ARHGEF4: variants seen among roughly 807,000 people sequenced by gnomAD.
ARHGEF4 encodes Rho guanine nucleotide exchange factor 4, also known as APC-stimulated guanine nucleotide exchange factor 1.
ARHGEF4 carries 119 observed loss-of-function variants against 162.0 expected under a neutral mutation model. The observed-to-expected ratio is 0.73, with a 90% confidence interval of 0.63 to 0.86. ARHGEF4 has a LOEUF of 0.86. Among genes scored for constraint, ARHGEF4 ranks in the 40% least tolerant of loss-of-function variants. The pLI is 0.00. For synonymous variants in ARHGEF4, 1,014 were observed against 979.9 expected, an observed-to-expected ratio of 1.03 and a Z score of -0.65; for missense variants, 2,488 against 2,456.0, an observed-to-expected ratio of 1.01 and a Z score of -0.28.
intron 1 of ARHGEF4, among the ~76,000 whole-genome samples, chr2:130,884,560 A>G (rs550971371): frequency 6.6e-6 from 1 of 152,248 alleles, no homozygotes; most frequent in East Asian, 1.9e-4. Context: ...CACCTGATAT[A>G]TGGTGGCTGG....
At chr2:130,889,127 G>T (rs1314229977) in intron 1 of ARHGEF4, among the ~76,000 whole-genome samples, 1 of 150,836 alleles carries the variant, frequency 6.6e-6, no homozygotes, top group Non-Finnish European at 1.5e-5. Flanking sequence ...AAGAAAGAAA[G>T]AAATTATACG....
At chr2:130,845,643 C>T (rs1672267458) in intron 1 of ARHGEF4, among the ~76,000 whole-genome samples, 1 of 152,152 alleles carries the variant, frequency 6.6e-6, no homozygotes, top group South Asian at 2.1e-4. Context: ...AGAACATCCT[C>T]CTCAGAGCAT....
At chr2:131,012,801 G>A (rs556780253) in intron 4 of ARHGEF4, among the ~76,000 whole-genome samples, 24 of 152,276 alleles carry the variant, frequency 1.6e-4, no homozygotes, top group African/African-American at 5.3e-4. Context: ...GGCTGGTCTT[G>A]AACTCCTGAC....
At chr2:130,877,183 A>T (rs2678345) in intron 1 of ARHGEF4, among the ~76,000 whole-genome samples, 29,595 of 152,072 alleles carry the variant, frequency 0.19, 3,235 homozygotes, top group African/African-American at 0.3. Context: ...GGGTTCTAGA[A>T]TAGGCCCAGC....
intron 1 of ARHGEF4, among the ~76,000 whole-genome samples, chr2:130,893,891 T>C (rs1257725282): frequency 6.6e-6 from 1 of 152,174 alleles, no homozygotes; most frequent in Non-Finnish European, 1.5e-5. Context: ...GTCTTGTGCC[T>C]GGGAAGAGAC....
chr2:130,875,484 C>T (rs1041993364), intron 1 of ARHGEF4, among the ~76,000 whole-genome samples: 4 of 152,176 alleles, frequency 2.6e-5, no homozygotes, highest in Non-Finnish European at 4.4e-5. Context: ...CTTTCTGCAT[C>T]AACAGCTGGT....
intron 13 of ARHGEF4, chr2:131,045,810 C>T: frequency 7.0e-7 from 1 of 1,429,682 alleles, no homozygotes; most frequent in Non-Finnish European, 9.1e-7. Flanking sequence ...TTGCACAGGC[C>T]ACCCCCCTCT....
chr2:130,930,521 G>C (rs371481471), intron 2 of ARHGEF4, among the ~76,000 whole-genome samples: 14 of 152,268 alleles, frequency 9.2e-5, no homozygotes, highest in East Asian at 3.9e-4. Flanking sequence ...ATTTCAGTGA[G>C]CATCAGAGTC....
At chr2:130,988,901 T>TATATATATATATATATAG (rs1469212068) in intron 4 of ARHGEF4, among the ~76,000 whole-genome samples, 1 of 113,366 alleles carries the variant, frequency 8.8e-6, no homozygotes, top group Non-Finnish European at 1.7e-5. Flanking sequence ...TATATATATA[T>TATATATATATATATATAG]AGAGAGAGAG....
intron 1 of ARHGEF4, among the ~76,000 whole-genome samples, chr2:130,845,548 C>A (rs1030247987): frequency 1.3e-5 from 2 of 152,056 alleles, no homozygotes; most frequent in Non-Finnish European, 2.9e-5. Context: ...CTGCCCACCT[C>A]GGCCTCCCAA....
At chr2:131,013,078 T>C (rs1022730847) in intron 4 of ARHGEF4, among the ~76,000 whole-genome samples, 2 of 152,194 alleles carry the variant, frequency 1.3e-5, no homozygotes, top group Non-Finnish European at 2.9e-5. Flanking sequence ...TAATGACAAC[T>C]GTGACATCTT....
chr2:130,909,647 A>G (rs774737847), intron 1 of ARHGEF4, among the ~76,000 whole-genome samples: 15 of 147,792 alleles, frequency 1.0e-4, no homozygotes, highest in African/African-American at 3.5e-4. Flanking sequence ...TTATACATCA[A>G]TAAAGTTGTA....
chr2:130,930,797 A>G (rs1396048702), intron 2 of ARHGEF4, among the ~76,000 whole-genome samples, 155 bp from the exon 3 acceptor site: 1 of 152,240 alleles, frequency 6.6e-6, no homozygotes, highest in Non-Finnish European at 1.5e-5. Flanking sequence ...TTCCAAAATG[A>G]CTGTGAACAA....
intron 2 of ARHGEF4, among the ~76,000 whole-genome samples, chr2:130,924,300 C>T (rs753941176): frequency 1.3e-4 from 19 of 145,182 alleles, no homozygotes; most frequent in Non-Finnish European, 2.3e-4. Flanking sequence ...TTTTTGAGAC[C>T]GAGTCTCACA....
chr2:130,930,209 T>C (rs893251507), intron 2 of ARHGEF4, among the ~76,000 whole-genome samples: 2 of 152,208 alleles, frequency 1.3e-5, no homozygotes, highest in African/African-American at 2.4e-5. Context: ...AATTTCACCT[T>C]AGTTTTTAGC....
intron 1 of ARHGEF4, among the ~76,000 whole-genome samples, chr2:130,872,383 T>G (rs1276797428): frequency 6.6e-6 from 1 of 152,134 alleles, no homozygotes; most frequent in Non-Finnish European, 1.5e-5. Flanking sequence ...AAATTGAGGC[T>G]GTCTTGGGAA....
chr2:130,970,014 A>G lies in ARHGEF4; in HGVS notation c.3985+23379A>G, dbSNP rs181418389. Reference sequence around the variant, plus strand: ...AAATAGTATTTCAGCAAATGGATGTATCACAGTTTGTCAACCATTCACTAG... The same window carrying G: ...AAATAGTATTTCAGCAAATGGATGTGTCACAGTTTGTCAACCATTCACTAG... On this transcript the variant is annotated intron_variant, in intron 4 of 13. Coordinates refer to ENST00000409359, the MANE Select transcript of ARHGEF4 (RefSeq NM_001367493.1). Among the ~76,000 whole-genome samples, 6 of 152,310 alleles carry G rather than the reference A, an allele frequency of 3.9e-5. No homozygotes were observed. In the East Asian group the frequency reaches 1.2e-3, roughly 29 times the overall value.
chr2:130,974,303 A>G lies in ARHGEF4; in HGVS notation c.3985+27668A>G, dbSNP rs550839798. Among the ~76,000 whole-genome samples, 70 of 151,914 alleles carry G rather than the reference A, an allele frequency of 4.6e-4. 1 individual carries two copies. The South Asian group carries it at 9.6e-3, about 21-fold the overall frequency. On this transcript the variant is annotated intron_variant, in intron 4 of 13. Coordinates refer to ENST00000409359, the MANE Select transcript of ARHGEF4 (RefSeq NM_001367493.1). ...AAAAAAAAAGATAGAAACATGGGCT[A>G]TCAAGAACAATACTTGGCTAACTAT... is the stretch of plus-strand genomic sequence containing the variant.
intron 1 of ARHGEF4, among the ~76,000 whole-genome samples, chr2:130,851,203 G>C (rs369111755): frequency 6.6e-6 from 1 of 152,248 alleles, no homozygotes. Context: ...GCCAGCATGT[G>C]CCTTTCCTGC....
Sources: gnomAD v4.1 joint callset for allele counts (sites outside exome capture counted in the v4.1 genomes callset) on GRCh38, gnomAD v4.1.1 for gene constraint, MANE v1.5 for transcripts, NCBI Gene and HGNC (gene_info 2026-07-23, HGNC 2026-07-21) for gene names.